Variants in SPOPL observed in about 807,000 individuals in gnomAD.
The protein encoded by SPOPL is speckle-type POZ protein-like.
SPOPL carries 23 observed loss-of-function variants against 53.8 expected under a neutral mutation model. The observed-to-expected ratio is 0.43, with a 90% confidence interval of 0.31 to 0.61. The LOEUF (loss-of-function observed/expected upper bound fraction) is 0.61. Ranked by LOEUF, SPOPL falls within the 20% of genes least tolerant of loss-of-function variation. The pLI is 0.12. For synonymous variants in SPOPL, 164 were observed against 149.7 expected (o/e 1.10, Z -0.70); for missense variants, 442 against 466.9 (o/e 0.95, Z 0.49).
chr2:138,568,833 T>C (rs2104910090), intron 10 of SPOPL, 103 bp from the exon 11 acceptor site: 1 of 1,186,340 alleles, frequency 8.4e-7, no homozygotes. Flanking sequence ...AGGTAAAAAG[T>C]GTTCAAATAT....
chr2:138,505,566 G>A (rs548953639), intron 1 of SPOPL, among the ~76,000 whole-genome samples: 3 of 139,240 alleles, frequency 2.2e-5, no homozygotes, highest in South Asian at 2.3e-4. Context: ...AGACCAGCCC[G>A]GCCAACATGG....
Position 138,544,908 on chromosome 2 carries a change from C to T in SPOPL, c.-60-5249C>T, listed in dbSNP as rs537501856. On this transcript the variant is annotated intron_variant, in intron 1 of 10. Transcript: ENST00000280098. ...CACCTGTTTTCAAGCATGTGTTTGC[C>T]CCTGGGCATACCCATAGCTTTCTAG... is the stretch of plus-strand genomic sequence containing the variant. Among the ~76,000 whole-genome samples, 15 of 152,272 alleles carry T rather than the reference C, an allele frequency of 9.9e-5. 1 individual carries two copies. In the South Asian group the frequency reaches 3.1e-3, roughly 32 times the overall value.
At position 138,559,330 on chromosome 2, in the gene SPOPL, G is replaced by A. The variant is rs145753116; in HGVS notation, c.707G>A (p.Ser236Asn). ...NAMFEHEMEE[S>N]KKNRVEINDL... ...ATGTTTGAACATGAAATGGAAGAAA[G>A]CAAAAAGGTAAACATGGCTTAAAGG... Residue 236 changes from serine (S) to asparagine (N), a missense_variant, in exon 7 of 11, where the codon AGC (serine) becomes AAC (asparagine). Transcript: ENST00000280098. 8,533 of 1,610,496 alleles carry A rather than the reference G, an allele frequency of 5.3e-3. 32 individuals carry two copies. The highest frequency in any genetic ancestry group is 6.3e-3 in the Non-Finnish European group (7,447 of 1,178,664).
chr2:138,532,571 C>T (rs1160567548), intron 1 of SPOPL, among the ~76,000 whole-genome samples: 3 of 149,346 alleles, frequency 2.0e-5, no homozygotes, highest in Non-Finnish European at 4.5e-5. Flanking sequence ...GGACTACAGG[C>T]GCCTACCACC....
intron 1 of SPOPL, among the ~76,000 whole-genome samples, chr2:138,533,572 T>C (rs183707027): frequency 5.9e-5 from 9 of 152,244 alleles, no homozygotes; most frequent in Admixed American, 5.9e-4. Flanking sequence ...TTAATTTGAA[T>C]AGATTTAAGA....
chr2:138,563,331 A>T (rs1180256974), intron 8 of SPOPL, among the ~76,000 whole-genome samples: 4 of 152,080 alleles, frequency 2.6e-5, no homozygotes, highest in African/African-American at 9.7e-5. Flanking sequence ...AAATTTTTTT[A>T]ATTAGCCTGG....
Position 138,526,727 on chromosome 2 carries a change from A to ATT in SPOPL, c.-60-23414_-60-23413dup, listed in dbSNP as rs34816039. ...TCCTCATTCTTAAATAGAGTATGGA[A>ATT]TTTTTTTTTTTTTTTTTGAGACAGC... On this transcript the variant is annotated intron_variant, in intron 1 of 10. Transcript: ENST00000280098. Among the ~76,000 whole-genome samples the ATT allele has an allele frequency of 7.5e-3, 1,052 of 140,678 alleles. 13 individuals carry two copies. Among genetic ancestry groups the ATT allele is most frequent in the Non-Finnish European group, 0.01 (656 of 65,260 alleles). The allele number at this position is 140,678 out of a possible 152,430, so 92.3% of individuals were successfully genotyped here. A position where few individuals can be genotyped will look rare whatever the true frequency, so the allele number is the denominator to read the frequency against.
intron 1 of SPOPL, among the ~76,000 whole-genome samples, chr2:138,545,838 G>A (rs905321119): frequency 5.3e-5 from 8 of 152,138 alleles, no homozygotes; most frequent in African/African-American, 1.9e-4. Context: ...GAGTTTTGGA[G>A]CTCTCTACTA....
At chr2:138,550,668 G>T in intron 3 of SPOPL, 64 bp downstream of exon 3, 1 of 1,542,746 alleles carries the variant, frequency 6.5e-7, no homozygotes, top group Non-Finnish European at 8.7e-7. Flanking sequence ...AGCTGCTCAT[G>T]ATTTTGTTAT....
chr2:138,562,533 C>T (rs990792867), intron 8 of SPOPL, among the ~76,000 whole-genome samples: 1 of 151,972 alleles, frequency 6.6e-6, no homozygotes, highest in Non-Finnish European at 1.5e-5. Flanking sequence ...GCCTGTAATC[C>T]GAACACTTTG....
chr2:138,551,303 C>A (rs915352532), intron 4 of SPOPL, among the ~76,000 whole-genome samples: 1 of 152,002 alleles, frequency 6.6e-6, no homozygotes. Context: ...ATCCAGTTGT[C>A]ACTTAGAAAA....
intron 1 of SPOPL, among the ~76,000 whole-genome samples, chr2:138,535,524 CTTTT>C (rs1196839811): frequency 8.7e-6 from 1 of 114,710 alleles, no homozygotes; most frequent in Non-Finnish European, 1.8e-5. Context: ...TTCCCCACTC[CTTTT>C]TTTTTTTTTA....
chr2:138,510,044 A>G (rs903422080), intron 1 of SPOPL, among the ~76,000 whole-genome samples: 3 of 152,088 alleles, frequency 2.0e-5, no homozygotes, highest in Non-Finnish European at 4.4e-5. Context: ...ATGTCTTTTC[A>G]TGGCTCAATA....
intron 1 of SPOPL, among the ~76,000 whole-genome samples, chr2:138,520,285 C>T (rs1006007043): frequency 1.3e-5 from 2 of 152,142 alleles, no homozygotes. Context: ...ACTTTGTAGG[C>T]CAGTGCTCAA....
intron 4 of SPOPL, among the ~76,000 whole-genome samples, chr2:138,552,245 G>A (rs1391720570): frequency 1.3e-5 from 2 of 151,880 alleles, no homozygotes; most frequent in Non-Finnish European, 2.9e-5. Context: ...GTCTTTTAGG[G>A]CCAATCTTAG....
chr2:138,507,182 GA>G (rs1558859273), intron 1 of SPOPL, among the ~76,000 whole-genome samples: 1 of 152,092 alleles, frequency 6.6e-6, no homozygotes, highest in East Asian at 1.9e-4. Flanking sequence ...TTAATCTGCC[GA>G]AGTTACAATC....
At chr2:138,541,395 C>A (rs1685068660) in intron 1 of SPOPL, among the ~76,000 whole-genome samples, 1 of 152,118 alleles carries the variant, frequency 6.6e-6, no homozygotes, top group South Asian at 2.1e-4. Context: ...GGTTGGTAAG[C>A]TATTAATTAA....
chr2:138,550,878 A>G (rs932899969), intron 3 of SPOPL, 25 bp from the exon 4 acceptor site: 3 of 1,592,312 alleles, frequency 1.9e-6, no homozygotes, highest in Non-Finnish European at 2.6e-6. Context: ...ATATTCCTCC[A>G]TGTGAGCTTA....
intron 8 of SPOPL, among the ~76,000 whole-genome samples, chr2:138,562,466 A>G (rs1289847955): frequency 2.0e-5 from 3 of 152,142 alleles, no homozygotes; most frequent in South Asian, 2.1e-4. Context: ...TTGAATACCT[A>G]CATGTGCACC....
Sources: allele counts gnomAD v4.1 joint callset (sites outside exome capture counted in the v4.1 genomes callset), GRCh38; gene constraint gnomAD v4.1.1; transcripts MANE v1.5; gene names NCBI Gene and HGNC (gene_info 2026-07-23, HGNC 2026-07-21).